OSBPL1A: variants seen among roughly 807,000 people sequenced by gnomAD.
OSBPL1A encodes the protein oxysterol binding protein like 1A.
In OSBPL1A, 80 loss-of-function variants were observed where a neutral mutation model predicts 137.1. That is an observed-to-expected ratio of 0.58 (90% confidence interval 0.49 to 0.70). The LOEUF (loss-of-function observed/expected upper bound fraction) is 0.70, where lower values mean the gene tolerates loss of function less well. Ranked by LOEUF, OSBPL1A falls within the 30% of genes least tolerant of loss-of-function variation. OSBPL1A has a pLI of 0.00. For synonymous variants in OSBPL1A, 365 were observed against 389.7 expected, an observed-to-expected ratio of 0.94 and a Z score of 0.75; for missense variants, 970 against 1,129.4, an observed-to-expected ratio of 0.86 and a Z score of 2.02.
intron 15 of OSBPL1A, among the ~76,000 whole-genome samples, chr18:24,249,283 T>C (rs902038958): frequency 7.9e-5 from 12 of 152,230 alleles, no homozygotes; most frequent in African/African-American, 2.9e-4. Flanking sequence ...TTTCAGATTA[T>C]GGTATAATGT....
chr18:24,224,495 G>C (rs2088001606), intron 17 of OSBPL1A, among the ~76,000 whole-genome samples: 1 of 151,962 alleles, frequency 6.6e-6, no homozygotes, highest in Non-Finnish European at 1.5e-5. Flanking sequence ...CATTAATTCG[G>C]GACAATCTCT....
chr18:24,394,257 T>C (rs1194151816), intron 1 of OSBPL1A, among the ~76,000 whole-genome samples: 2 of 152,184 alleles, frequency 1.3e-5, no homozygotes, highest in African/African-American at 4.8e-5. Context: ...TTGGATACCA[T>C]ACGGACATAA....
At chr18:24,352,946 C>G (rs1484063311) in intron 4 of OSBPL1A, among the ~76,000 whole-genome samples, 2 of 152,034 alleles carry the variant, frequency 1.3e-5, no homozygotes, top group Non-Finnish European at 2.9e-5. Flanking sequence ...CATGTTAAAC[C>G]TAAAACCATA....
At chr18:24,246,694 G>A (rs892217402) in intron 15 of OSBPL1A, among the ~76,000 whole-genome samples, 2 of 151,308 alleles carry the variant, frequency 1.3e-5, no homozygotes, top group African/African-American at 4.9e-5. Flanking sequence ...GGGAGGCTGA[G>A]GCAGGAGAAT....
At position 24,201,337 on chromosome 18, in the gene OSBPL1A, C is replaced by G. The variant is rs149036517; in HGVS notation, c.1602-5137G>C. ...GCTACACAGCATTGTAGGCAGACCC[C>G]AAAGAACCAAATTCATTAAAGAAGT... On this transcript the variant is annotated intron_variant, in intron 17 of 27. Transcript: ENST00000319481. Among the ~76,000 whole-genome samples the G allele has an allele frequency of 7.0e-3, 1,061 of 152,298 alleles. 8 individuals are homozygous for G. The highest frequency in any genetic ancestry group is 0.01 in the Non-Finnish European group (712 of 68,020).
chr18:24,262,023 C>A (rs1326724501), intron 15 of OSBPL1A, among the ~76,000 whole-genome samples: 1 of 152,080 alleles, frequency 6.6e-6, no homozygotes, highest in Non-Finnish European at 1.5e-5. Flanking sequence ...TTGCTGGGAC[C>A]TGGTTTTCAT....
intron 25 of OSBPL1A, among the ~76,000 whole-genome samples, chr18:24,167,037 A>G (rs2086159726): frequency 6.6e-6 from 1 of 152,218 alleles, no homozygotes; most frequent in African/African-American, 2.4e-5. Flanking sequence ...ACTAGGCTGC[A>G]CCAGCTTATA....
Position 24,362,885 on chromosome 18 carries a change from T to C in OSBPL1A, c.282+4007A>G, listed in dbSNP as rs540352583. On this transcript the variant is annotated intron_variant, in intron 4 of 27. Coordinates refer to ENST00000319481, the MANE Select transcript of OSBPL1A (RefSeq NM_080597.4). The stretch of plus-strand genomic sequence containing the variant: ...CTGAGAGGCAGTTACTCCAGAGGAA[T>C]GGCAGGAACTTGGAGGAAGAACACT... 2.0e-5 allele frequency among the ~76,000 whole-genome samples: 3 copies of C among 152,326 alleles called. No individual in the cohort carries two copies. The South Asian group carries it at 6.2e-4, about 32-fold the overall frequency.
chr18:24,192,563 AAAG>A (rs2086915183), intron 18 of OSBPL1A, among the ~76,000 whole-genome samples: 1 of 152,226 alleles, frequency 6.6e-6, no homozygotes, highest in Non-Finnish European at 1.5e-5. Context: ...TGGGAGAAGA[AAAG>A]AAGGATGTCA....
intron 14 of OSBPL1A, among the ~76,000 whole-genome samples, chr18:24,287,426 T>C (rs569678387): frequency 1.3e-5 from 2 of 152,170 alleles, no homozygotes; most frequent in Non-Finnish European, 2.9e-5. Flanking sequence ...AGTTTATCCA[T>C]TCTGAGTGCT....
intron 4 of OSBPL1A, among the ~76,000 whole-genome samples, chr18:24,351,684 T>G (rs1476200887): frequency 2.0e-5 from 3 of 152,028 alleles, no homozygotes; most frequent in Non-Finnish European, 4.4e-5. Context: ...GGATTATAGG[T>G]GTGTGCCACC....
chr18:24,382,398 C>T (rs1409988132), intron 1 of OSBPL1A, among the ~76,000 whole-genome samples: 9 of 134,484 alleles, frequency 6.7e-5, no homozygotes, highest in African/African-American at 1.8e-4. Context: ...CAGAGTGAGA[C>T]TCCGTCTCAA....
intron 1 of OSBPL1A, among the ~76,000 whole-genome samples, chr18:24,377,944 C>G (rs1443493395): frequency 6.6e-6 from 1 of 152,096 alleles, no homozygotes; most frequent in Non-Finnish European, 1.5e-5. Context: ...ACTTTATTTC[C>G]TATATGACCA....
intron 1 of OSBPL1A, among the ~76,000 whole-genome samples, chr18:24,396,951 T>C (rs1206857446): frequency 1.3e-5 from 2 of 152,208 alleles, no homozygotes; most frequent in African/African-American, 2.4e-5. Context: ...AGACACCTAA[T>C]AGCCACATTT....
chr18:24,314,417 T>TA, intron 11 of OSBPL1A, 70 bp from the exon 12 acceptor site: 6 of 1,046,574 alleles, frequency 5.7e-6, no homozygotes, highest in Non-Finnish European at 8.4e-6. Context: ...TATCTATACA[T>TA]AAAATTTAAA....
At chr18:24,216,046 G>A (rs1429283733) in intron 17 of OSBPL1A, among the ~76,000 whole-genome samples, 1 of 152,160 alleles carries the variant, frequency 6.6e-6, no homozygotes, top group African/African-American at 2.4e-5. Flanking sequence ...AAAGTCCAGG[G>A]ATCAAAAGGA....
chr18:24,355,219 C>T (rs73943435), intron 4 of OSBPL1A, among the ~76,000 whole-genome samples: 2,471 of 151,744 alleles, frequency 0.016, 62 homozygotes, highest in African/African-American at 0.057. Flanking sequence ...GCCAATCTAG[C>T]ATGCCCACTT....
intron 15 of OSBPL1A, among the ~76,000 whole-genome samples, chr18:24,258,961 C>T (rs1367626286): frequency 2.7e-5 from 3 of 112,678 alleles, no homozygotes; most frequent in African/African-American, 3.5e-5. Flanking sequence ...TAAATTGAGA[C>T]GGAGTCTCGC....
intron 4 of OSBPL1A, among the ~76,000 whole-genome samples, chr18:24,363,541 G>A (rs1234164733): frequency 6.6e-6 from 1 of 150,582 alleles, no homozygotes; most frequent in African/African-American, 2.5e-5. Context: ...CTGCCTGCTG[G>A]GTTCAAGTGA....
Sources: gnomAD v4.1 joint callset for allele counts (sites outside exome capture counted in the v4.1 genomes callset) on GRCh38, gnomAD v4.1.1 for gene constraint, MANE v1.5 for transcripts, NCBI Gene and HGNC (gene_info 2026-07-23, HGNC 2026-07-21) for gene names.